The following ODAD2 variants were observed in gnomAD, a reference collection of about 807,000 sequenced individuals.
ODAD2 encodes the protein outer dynein arm-docking complex subunit 2.
In ODAD2, 89 loss-of-function variants were observed where a neutral mutation model predicts 106.8. The observed-to-expected ratio is 0.83, with a 90% CI of 0.70 to 0.99. The LOEUF (loss-of-function observed/expected upper bound fraction) is 0.99, where lower values mean the gene tolerates loss of function less well. ODAD2 is among the 50% of genes least tolerant of loss of function. The pLI is 0.00. For synonymous variants in ODAD2, 404 were observed against 436.2 expected (o/e 0.93, Z 0.92); for missense variants, 1,168 against 1,238.5 (o/e 0.94, Z 0.85).
At chr10:27,945,763 A>C (rs1437075981) in intron 10 of ODAD2, among the ~76,000 whole-genome samples, 1 of 152,206 alleles carries the variant, frequency 6.6e-6, no homozygotes, top group African/African-American at 2.4e-5. Context: ...TTCTGCTTTG[A>C]AAATCTTCTA....
At chr10:27,975,496 GA>G (rs1343070091) in intron 7 of ODAD2, among the ~76,000 whole-genome samples, 2 of 152,044 alleles carry the variant, frequency 1.3e-5, no homozygotes, top group Non-Finnish European at 2.9e-5. Context: ...AGAATACTAT[GA>G]AAAAAGTTTA....
At chr10:27,973,221 A>C (rs1848974099) in intron 7 of ODAD2, among the ~76,000 whole-genome samples, 1 of 150,720 alleles carries the variant, frequency 6.6e-6, no homozygotes, top group Non-Finnish European at 1.5e-5. Context: ...TAATACATAC[A>C]TACATACATA....
chr10:27,885,677 AT>A (rs1564465964), intron 17 of ODAD2, among the ~76,000 whole-genome samples: 3 of 15,074 alleles, frequency 2.0e-4, no homozygotes, highest in Non-Finnish European at 4.0e-4. Flanking sequence ...TATAAAATAT[AT>A]ATAATATATA....
At chr10:27,840,320 A>C (rs1838214231) in intron 19 of ODAD2, among the ~76,000 whole-genome samples, 1 of 152,240 alleles carries the variant, frequency 6.6e-6, no homozygotes, top group African/African-American at 2.4e-5. Flanking sequence ...AAAGATAGTG[A>C]ATATCAACTG....
chr10:27,817,978 A>G lies in ODAD2; in HGVS notation c.3022-5353T>C, dbSNP rs895532914. On this transcript the variant is annotated intron_variant, in intron 19 of 19. Transcript: ENST00000305242. The stretch of plus-strand genomic sequence containing the variant: ...ACCATTCACCATTTTTCATACTCAC[A>G]TGGCTTTTACTGACCTCCTCGTAGC... Among the ~76,000 whole-genome samples, 8 of 151,942 alleles carry G rather than the reference A, an allele frequency of 5.3e-5. No homozygotes were observed. The South Asian group carries it at 1.5e-3, about 28-fold the overall frequency.
At position 27,842,838 on chromosome 10, in the gene ODAD2, A is replaced by G. The variant is rs547852572; in HGVS notation, c.3021+17787T>C. The stretch of plus-strand genomic sequence containing the variant: ...TAATTTAATAATAATTACTAAAGCT[A>G]ATTATACATATACCCTTTGATCCAG... On this transcript the variant is annotated intron_variant, in intron 19 of 19. Coordinates refer to ENST00000305242, the MANE Select transcript of ODAD2 (RefSeq NM_018076.5). Among the ~76,000 whole-genome samples, 30 of 152,322 alleles carry G rather than the reference A, an allele frequency of 2.0e-4. No individual in the cohort carries two copies. In the South Asian group the frequency reaches 6.0e-3, roughly 30 times the overall value.
intron 17 of ODAD2, among the ~76,000 whole-genome samples, chr10:27,895,978 T>G (rs543896408): frequency 6.6e-6 from 1 of 152,332 alleles, no homozygotes; most frequent in South Asian, 2.1e-4. Context: ...GAAACAGCCT[T>G]GCAAATCAGG....
At chr10:27,920,969 TGAAA>T (rs1411825416) in intron 16 of ODAD2, among the ~76,000 whole-genome samples, 1 of 152,192 alleles carries the variant, frequency 6.6e-6, no homozygotes, top group African/African-American at 2.4e-5. Flanking sequence ...CTTGTGTATG[TGAAA>T]GAGTCTTTCA....
At chr10:27,821,544 A>C (rs1836611038) in intron 19 of ODAD2, among the ~76,000 whole-genome samples, 1 of 152,230 alleles carries the variant, frequency 6.6e-6, no homozygotes, top group Non-Finnish European at 1.5e-5. Flanking sequence ...AAAACTAGCA[A>C]ATACTCGCAC....
intron 17 of ODAD2, among the ~76,000 whole-genome samples, chr10:27,878,094 G>A (rs889889437): frequency 1.4e-5 from 2 of 143,832 alleles, no homozygotes; most frequent in Admixed American, 6.8e-5. Context: ...CACTACTTAG[G>A]AGATTAGTAA....
At chr10:27,904,352 T>A (rs1404855350) in intron 17 of ODAD2, 2 of 267,122 alleles carry the variant, frequency 7.5e-6, no homozygotes, top group Non-Finnish European at 1.5e-5. Flanking sequence ...AGAGCGGGAA[T>A]CTTGGGCTGA....
chr10:27,952,001 G>A (rs2132713822), intron 10 of ODAD2, among the ~76,000 whole-genome samples: 1 of 147,004 alleles, frequency 6.8e-6, no homozygotes, highest in East Asian at 2.0e-4. Context: ...CTTGAACTGG[G>A]GAGGCAGAGG....
At chr10:27,835,248 T>G (rs1456709010) in intron 19 of ODAD2, among the ~76,000 whole-genome samples, 4 of 152,290 alleles carry the variant, frequency 2.6e-5, no homozygotes, top group African/African-American at 9.6e-5. Flanking sequence ...CAATTCTGTC[T>G]ATAGTGGAAA....
intron 17 of ODAD2, among the ~76,000 whole-genome samples, chr10:27,864,947 C>T (rs1404991932): frequency 6.6e-6 from 1 of 152,070 alleles, no homozygotes; most frequent in Non-Finnish European, 1.5e-5. Flanking sequence ...GAGGTTGAAC[C>T]TTATAAAATA....
intron 13 of ODAD2, 93 bp from the exon 14 acceptor site, chr10:27,940,100 A>C (rs943882859): frequency 1.2e-6 from 1 of 820,022 alleles, no homozygotes; most frequent in African/African-American, 1.7e-5. Flanking sequence ...AAACTTTCTT[A>C]GGAAATAATC....
At chr10:27,878,908 T>C (rs1227392170) in intron 17 of ODAD2, among the ~76,000 whole-genome samples, 1 of 152,116 alleles carries the variant, frequency 6.6e-6, no homozygotes, top group Non-Finnish European at 1.5e-5. Context: ...CCAAATGTAG[T>C]ACTTCAAAAA....
At chr10:27,840,534 T>A (rs1242022887) in intron 19 of ODAD2, among the ~76,000 whole-genome samples, 1 of 152,284 alleles carries the variant, frequency 6.6e-6, no homozygotes, top group East Asian at 1.9e-4. Context: ...AGGGGGTGGG[T>A]ACTTTTCTTA....
At chr10:27,882,779 A>C (rs962076318) in intron 17 of ODAD2, among the ~76,000 whole-genome samples, 1 of 152,126 alleles carries the variant, frequency 6.6e-6, no homozygotes, top group East Asian at 1.9e-4. Flanking sequence ...GAGCCCCACA[A>C]AAGCTCCATT....
intron 10 of ODAD2, among the ~76,000 whole-genome samples, chr10:27,952,600 A>C (rs1368397123): frequency 1.3e-5 from 2 of 152,044 alleles, no homozygotes; most frequent in Non-Finnish European, 2.9e-5. Flanking sequence ...CCCTGTGTCC[A>C]TGTGTTCTCA....
Sources: allele counts gnomAD v4.1 joint callset (sites outside exome capture counted in the v4.1 genomes callset), GRCh38; gene constraint gnomAD v4.1.1; transcripts MANE v1.5; gene names NCBI Gene and HGNC (gene_info 2026-07-23, HGNC 2026-07-21).